Variants in RBFOX1 observed in about 807,000 individuals in gnomAD.
RBFOX1 encodes the protein RNA binding protein fox-1 homolog 1.
A neutral mutation model predicts 57.7 loss-of-function variants in RBFOX1; 8 were observed. The observed-to-expected ratio is 0.14, with a 90% CI of 0.08 to 0.25. RBFOX1 has a LOEUF of 0.25. RBFOX1 is among the 10% of genes least tolerant of loss of function. The probability of loss-of-function intolerance (pLI) is 1.00; values close to 1 mark genes in which losing one functional copy is unlikely to be tolerated. For synonymous variants in RBFOX1, 326 were observed against 222.4 expected (o/e 1.47, Z -4.15); for missense variants, 611 against 548.5 (o/e 1.11, Z -1.14).
intron 2 of RBFOX1, among the ~76,000 whole-genome samples, chr16:6,505,355 A>G (rs999425211): frequency 1.3e-5 from 2 of 152,240 alleles, no homozygotes; most frequent in Admixed American, 6.5e-5. Flanking sequence ...AAATGCACAC[A>G]TTTATGATTA....
At chr16:6,605,053 C>A (rs755297402) in intron 2 of RBFOX1, among the ~76,000 whole-genome samples, 5 of 151,930 alleles carry the variant, frequency 3.3e-5, no homozygotes, top group Non-Finnish European at 4.4e-5. Context: ...TAAACACATG[C>A]ACAACGTGTG....
chr16:5,699,112 C>T (rs990323798), intron 3 of RBFOX1, among the ~76,000 whole-genome samples: 2 of 151,466 alleles, frequency 1.3e-5, no homozygotes, highest in Admixed American at 6.6e-5. Context: ...CTCAGCCTCC[C>T]GAGCAGCTGG....
intron 1 of RBFOX1, among the ~76,000 whole-genome samples, chr16:6,129,039 A>G (rs1170449454): frequency 1.3e-5 from 2 of 152,244 alleles, no homozygotes; most frequent in Non-Finnish European, 2.9e-5. Context: ...AACAAAATTC[A>G]GCACCTTTCA....
intron 12 of RBFOX1, among the ~76,000 whole-genome samples, chr16:7,654,812 G>C (rs1469769488): frequency 1.3e-5 from 2 of 152,142 alleles, no homozygotes; most frequent in Non-Finnish European, 2.9e-5. Context: ...AGACATTTTT[G>C]GTTGTCACAA....
chr16:5,612,584 C>T (rs11641954), intron 3 of RBFOX1, among the ~76,000 whole-genome samples: 27,901 of 152,216 alleles, frequency 0.18, 2,748 homozygotes, highest in Middle Eastern at 0.28. Flanking sequence ...GTGGATATGT[C>T]TGGGGTTTTC....
chr16:6,921,187 G>C (rs1001671278), intron 3 of RBFOX1, among the ~76,000 whole-genome samples: 8 of 152,092 alleles, frequency 5.3e-5, no homozygotes, highest in Non-Finnish European at 7.4e-5. Context: ...AAATGCATGA[G>C]TTTTCTATTC....
intron 4 of RBFOX1, among the ~76,000 whole-genome samples, chr16:7,140,159 TC>T (rs1567421010): frequency 1.2e-4 from 10 of 85,912 alleles, no homozygotes; most frequent in African/African-American, 5.4e-4. Context: ...CTTCTCTCCC[TC>T]TCTCTCTCTC....
chr16:7,217,356 C>A (rs898500536), intron 4 of RBFOX1, among the ~76,000 whole-genome samples: 1 of 135,816 alleles, frequency 7.4e-6, no homozygotes, highest in African/African-American at 2.8e-5. Context: ...GTGTTGAACT[C>A]CTGACCTTAG....
chr16:6,944,645 C>T (rs929477336), intron 3 of RBFOX1, among the ~76,000 whole-genome samples: 12 of 152,066 alleles, frequency 7.9e-5, no homozygotes, highest in African/African-American at 2.7e-4. Flanking sequence ...GGGGTCTGGC[C>T]ATGCATCACA....
chr16:6,637,500 A>C, intron 2 of RBFOX1, among the ~76,000 whole-genome samples: 1 of 59,172 alleles, frequency 1.7e-5, no homozygotes, highest in Non-Finnish European at 3.6e-5. Flanking sequence ...TATTATATAT[A>C]ATATTCTATA....
At chr16:5,696,533 A>G (rs1043876567) in intron 3 of RBFOX1, among the ~76,000 whole-genome samples, 2 of 152,240 alleles carry the variant, frequency 1.3e-5, no homozygotes, top group Non-Finnish European at 2.9e-5. Context: ...ATCCAAGGCT[A>G]TGTGCGTTTT....
intron 2 of RBFOX1, among the ~76,000 whole-genome samples, chr16:5,497,622 C>CAAA (rs911723996): frequency 7.5e-5 from 4 of 53,428 alleles, no homozygotes; most frequent in Non-Finnish European, 1.1e-4. Flanking sequence ...ACTAAAAATA[C>CAAA]AAAAAAAAAA....
intron 2 of RBFOX1, among the ~76,000 whole-genome samples, chr16:6,530,200 T>C (rs545231507): frequency 6.6e-6 from 1 of 152,286 alleles, no homozygotes; most frequent in Admixed American, 6.5e-5. Context: ...TTTTTTCCTT[T>C]CTTCTTCCGG....
rs1433368142 is a variant in RBFOX1 at position 7,096,609 on chromosome 16, T to C, written c.27+44511T>C. Among the ~76,000 whole-genome samples, 3 of 152,112 alleles carry C rather than the reference T, an allele frequency of 2.0e-5. No individual in the cohort carries two copies. In the East Asian group the frequency reaches 5.8e-4, roughly 29 times the overall value. On this transcript the variant is annotated intron_variant, in intron 4 of 15. Coordinates refer to ENST00000550418, the MANE Select transcript of RBFOX1 (RefSeq NM_018723.4). ...AACCCTGTGTAAAATATTTGCTGTT[T>C]GGATCTAGGAGTGGACTTAGCCCCA...
In RBFOX1 at chr16:5,317,192, T is replaced by G. The variant is rs745392383; in HGVS notation, c.219+77087T>G. Among the ~76,000 whole-genome samples the G allele has an allele frequency of 3.4e-4, 52 of 152,252 alleles. No homozygotes were observed. The Middle Eastern group carries it at 0.017, about 50-fold the overall frequency. On this transcript the variant is annotated intron_variant, in intron 1 of 2. Coordinates refer to the RBFOX1 transcript ENST00000585867. ...TGAACCAATTCCCTTAATAAATCCT[T>G]TCTTCTCTCTCTCTCTCTCTCAATC...
chr16:6,631,780 G>C (rs1602062083), intron 2 of RBFOX1, among the ~76,000 whole-genome samples: 1 of 152,086 alleles, frequency 6.6e-6, no homozygotes, highest in Admixed American at 6.5e-5. Flanking sequence ...AGCAGCCACC[G>C]GGAGGCTCAG....
At chr16:6,988,167 C>T (rs765626364) in intron 3 of RBFOX1, among the ~76,000 whole-genome samples, 7 of 152,164 alleles carry the variant, frequency 4.6e-5, no homozygotes, top group Non-Finnish European at 7.3e-5. Context: ...AGAAACACAG[C>T]AGAGTTTTAG....
intron 4 of RBFOX1, among the ~76,000 whole-genome samples, chr16:5,985,306 C>G (rs528881691): frequency 2.8e-5 from 4 of 143,176 alleles, no homozygotes; most frequent in Admixed American, 2.2e-4. Flanking sequence ...CCATCATAAT[C>G]TTATGGGGCC....
intron 4 of RBFOX1, among the ~76,000 whole-genome samples, chr16:5,870,456 G>C (rs1291861846): frequency 6.6e-6 from 1 of 151,790 alleles, no homozygotes; most frequent in Non-Finnish European, 1.5e-5. Context: ...TGATGGGGTG[G>C]GGGAATGGTC....
Sources: allele counts gnomAD v4.1 joint callset (sites outside exome capture counted in the v4.1 genomes callset), GRCh38; gene constraint gnomAD v4.1.1; transcripts MANE v1.5; gene names NCBI Gene and HGNC (gene_info 2026-07-23, HGNC 2026-07-21).